Variants in FMN2 observed in about 807,000 individuals in gnomAD.
The protein encoded by FMN2 is formin 2.
In FMN2, 51 loss-of-function variants were observed where a neutral mutation model predicts 142.3. That is an observed-to-expected ratio of 0.36 (90% CI 0.29 to 0.45). The LOEUF is 0.45. Among genes scored for constraint, FMN2 ranks in the 20% least tolerant of loss-of-function variants. The pLI, the probability that FMN2 is intolerant of heterozygous loss-of-function variation, is 1.00. For synonymous variants in FMN2, 882 were observed against 869.8 expected, an observed-to-expected ratio of 1.01 and a Z score of -0.25; for missense variants, 1,936 against 2,122.8, an observed-to-expected ratio of 0.91 and a Z score of 1.73.
intron 3 of FMN2, among the ~76,000 whole-genome samples, chr1:240,183,399 T>C (rs1276991332): frequency 6.7e-6 from 1 of 148,324 alleles, no homozygotes; most frequent in Non-Finnish European, 1.5e-5. Flanking sequence ...ATTTTCAACA[T>C]GTAAATATAT....
At chr1:240,418,537 GTGT>G (rs537529604) in intron 15 of FMN2, among the ~76,000 whole-genome samples, 404 of 152,206 alleles carry the variant, frequency 2.7e-3, no homozygotes, top group Non-Finnish European at 4.8e-3. Flanking sequence ...ACTTAGTAGT[GTGT>G]TTTTAAGTTT....
At chr1:240,283,344 A>G (rs1194773007) in intron 7 of FMN2, among the ~76,000 whole-genome samples, 3 of 152,086 alleles carry the variant, frequency 2.0e-5, no homozygotes, top group African/African-American at 7.2e-5. Flanking sequence ...TCTCCTCATT[A>G]CTATTTAGAG....
chr1:240,101,215 G>T lies in FMN2; in HGVS notation c.1615+7491G>T, dbSNP rs1266033157. 3.3e-5 allele frequency among the ~76,000 whole-genome samples: 5 copies of T among 152,300 alleles called. No individual in the cohort carries two copies. The East Asian group carries it at 9.7e-4, about 29-fold the overall frequency. On this transcript the variant is annotated intron_variant, in intron 1 of 17. Transcript: ENST00000319653. The stretch of plus-strand genomic sequence containing the variant: ...GGAAGAGTGAATGCAATCTTGCTGG[G>T]AAGCGTCTTCCTTCAAGTCAATTTC...
At chr1:240,192,732 A>T (rs902174040) in intron 4 of FMN2, among the ~76,000 whole-genome samples, 2 of 152,146 alleles carry the variant, frequency 1.3e-5, no homozygotes, top group African/African-American at 4.8e-5. Context: ...CAAGCGAGAG[A>T]TGGTTAGGAA....
intron 1 of FMN2, among the ~76,000 whole-genome samples, chr1:240,112,101 G>C (rs1311355325): frequency 1.3e-5 from 2 of 151,458 alleles, no homozygotes; most frequent in Admixed American, 6.6e-5. Flanking sequence ...CGTGACCTTT[G>C]ACAAGACACC....
At chr1:240,334,087 G>C (rs1671476682) in intron 12 of FMN2, 22 bp from the exon 13 acceptor site, 1 of 1,579,578 alleles carries the variant, frequency 6.3e-7, no homozygotes. Flanking sequence ...CTTTAAATAT[G>C]ATGGGGTTTT....
chr1:240,349,407 G>A (rs1672018592), intron 13 of FMN2, among the ~76,000 whole-genome samples: 1 of 152,110 alleles, frequency 6.6e-6, no homozygotes. Flanking sequence ...GAAACTTTCT[G>A]GAAGCTCACA....
intron 6 of FMN2, among the ~76,000 whole-genome samples, chr1:240,213,137 C>A (rs1666757621): frequency 6.6e-6 from 1 of 152,166 alleles, no homozygotes; most frequent in African/African-American, 2.4e-5. Flanking sequence ...GAAGGGGTCT[C>A]AGCATATAAA....
intron 14 of FMN2, among the ~76,000 whole-genome samples, chr1:240,366,218 C>T (rs1313939267): frequency 2.6e-5 from 4 of 152,198 alleles, no homozygotes; most frequent in African/African-American, 2.4e-5. Context: ...ACCGGTCAGT[C>T]AGCTCTTCCA....
chr1:240,219,341 G>A (rs2103419254), intron 6 of FMN2, among the ~76,000 whole-genome samples: 1 of 152,242 alleles, frequency 6.6e-6, no homozygotes, highest in African/African-American at 2.4e-5. Flanking sequence ...GATTTGGGAT[G>A]ATCTCAGGGC....
At chr1:240,367,394 C>G (rs917190552) in intron 14 of FMN2, among the ~76,000 whole-genome samples, 2 of 152,074 alleles carry the variant, frequency 1.3e-5, no homozygotes, top group Non-Finnish European at 2.9e-5. Flanking sequence ...CTTTTGCTGA[C>G]TATTGATTTT....
chr1:240,229,227 T>A (rs1055442585), intron 6 of FMN2, among the ~76,000 whole-genome samples: 9 of 152,312 alleles, frequency 5.9e-5, no homozygotes, highest in African/African-American at 1.9e-4. Context: ...AAGACTTCTG[T>A]GTTTTTAACT....
At chr1:240,380,742 A>G (rs914412324) in intron 14 of FMN2, among the ~76,000 whole-genome samples, 3 of 151,782 alleles carry the variant, frequency 2.0e-5, no homozygotes, top group African/African-American at 7.2e-5. Flanking sequence ...AATGGCAAAG[A>G]TCAGAGCAGA....
chr1:240,464,105 T>C (rs1676535860), intron 16 of FMN2, among the ~76,000 whole-genome samples: 1 of 152,104 alleles, frequency 6.6e-6, no homozygotes, highest in South Asian at 2.1e-4. Flanking sequence ...GATTTGCCAG[T>C]TAAAGGAGGA....
chr1:240,439,848 C>T (rs1024023162), intron 16 of FMN2, among the ~76,000 whole-genome samples: 8 of 152,126 alleles, frequency 5.3e-5, no homozygotes, highest in East Asian at 3.9e-4. Context: ...AACTTTAGCA[C>T]GTCACACAGA....
At chr1:240,440,825 A>G (rs905303790) in intron 16 of FMN2, among the ~76,000 whole-genome samples, 3 of 152,124 alleles carry the variant, frequency 2.0e-5, no homozygotes, top group African/African-American at 7.2e-5. Flanking sequence ...GTGAGGGACC[A>G]GCTATGTACT....
In FMN2 at chr1:240,472,599, T is replaced by G. The variant is rs950297069; in HGVS notation, c.5142+146T>G. The G allele has an allele frequency of 1.5e-5, 8 of 549,184 alleles. No individual in the cohort carries two copies. The African/African-American group carries it at 1.6e-4, about 11-fold the overall frequency. 34.0% of individuals were successfully genotyped at this position (549,184 alleles called of 1,614,324 possible). A position where few individuals can be genotyped will look rare whatever the true frequency, so the allele number is the denominator to read the frequency against. ...TCTGACTTCAAGAATCTCCTTTTTC[T>G]TATGCCTTTAATCAGGCCCAGAAGG... On this transcript the variant is annotated intron_variant, in intron 17 of 17. Transcript: ENST00000319653.
chr1:240,436,575 G>T (rs1371782585), intron 15 of FMN2, among the ~76,000 whole-genome samples: 1 of 151,884 alleles, frequency 6.6e-6, no homozygotes, highest in Non-Finnish European at 1.5e-5. Context: ...TATTTGGGAG[G>T]CTGAGGCAGG....
chr1:240,355,961 A>C, intron 14 of FMN2, 53 bp downstream of exon 14: 1 of 381,840 alleles, frequency 2.6e-6, no homozygotes. Flanking sequence ...CAAAAAAAAA[A>C]AAAAAAAAAA....
Sources: gnomAD v4.1 joint callset for allele counts (sites outside exome capture counted in the v4.1 genomes callset) on GRCh38, gnomAD v4.1.1 for gene constraint, MANE v1.5 for transcripts, NCBI Gene and HGNC (gene_info 2026-07-23, HGNC 2026-07-21) for gene names.